The following CSGALNACT1 variants were observed in gnomAD, a reference collection of about 807,000 sequenced individuals.
CSGALNACT1 encodes chondroitin sulfate N-acetylgalactosaminyltransferase 1, also known as beta4GalNAcT-1.
In CSGALNACT1, 52 loss-of-function variants were observed where a neutral mutation model predicts 51.0. The ratio of observed to expected loss-of-function variants is 1.02; its 90% CI spans 0.82 to 1.29. The LOEUF is 1.29. CSGALNACT1 is among the 50% of genes most tolerant of loss of function. The pLI is 0.00. For missense variants in CSGALNACT1, 935 were observed against 679.2 expected (o/e 1.38, Z -4.19); for synonymous variants, 341 against 254.4 (o/e 1.34, Z -3.24).
At chr8:19,671,355 C>T (rs189296554) in intron 1 of CSGALNACT1, among the ~76,000 whole-genome samples, 130 of 152,256 alleles carry the variant, frequency 8.5e-4, no homozygotes, top group Non-Finnish European at 1.4e-3. Flanking sequence ...TAGGTGTACA[C>T]GACAAATTCA....
intron 5 of CSGALNACT1, among the ~76,000 whole-genome samples, chr8:19,447,144 C>T (rs959785940): frequency 4.6e-5 from 7 of 152,176 alleles, no homozygotes; most frequent in African/African-American, 1.7e-4. Flanking sequence ...TTCCAATGAC[C>T]TGACAGAGCT....
At chr8:19,650,879 A>G (rs923639923) in intron 1 of CSGALNACT1, among the ~76,000 whole-genome samples, 13 of 152,204 alleles carry the variant, frequency 8.5e-5, no homozygotes, top group African/African-American at 2.7e-4. Flanking sequence ...ACTCAGGTGA[A>G]GAGTCACGAG....
intron 6 of CSGALNACT1, among the ~76,000 whole-genome samples, chr8:19,433,624 C>T (rs111976965): frequency 1.8e-4 from 27 of 152,276 alleles, no homozygotes; most frequent in African/African-American, 6.5e-4. Flanking sequence ...ATAAAGACAA[C>T]CTTGTGAGTG....
chr8:19,497,919 C>G (rs1015192285), intron 4 of CSGALNACT1, among the ~76,000 whole-genome samples: 6 of 152,140 alleles, frequency 3.9e-5, no homozygotes, highest in African/African-American at 9.7e-5. Context: ...GCCCCCTCCC[C>G]GCTTTGAGTC....
At chr8:19,502,724 A>T (rs1428449974) in intron 4 of CSGALNACT1, among the ~76,000 whole-genome samples, 1 of 152,198 alleles carries the variant, frequency 6.6e-6, no homozygotes, top group Non-Finnish European at 1.5e-5. Flanking sequence ...CCCTTATAAA[A>T]TCCTGTCACT....
intron 3 of CSGALNACT1, among the ~76,000 whole-genome samples, chr8:19,561,338 A>G (rs1282368009): frequency 6.6e-6 from 1 of 152,346 alleles, no homozygotes; most frequent in Non-Finnish European, 1.5e-5. Context: ...CAGAAAACAA[A>G]CGTGTAAATT....
In CSGALNACT1 at chr8:19,416,082, G is replaced by A. The variant is rs1424105171; in HGVS notation, c.1227+2574C>T. ...GATGGTGATCACCCAGGAAGGCAAG[G>A]TTAACTTATTATTAAAGAAATGAAA... is the stretch of plus-strand genomic sequence containing the variant. On this transcript the variant is annotated intron_variant, in intron 8 of 9. Transcript: ENST00000454498. Among the ~76,000 whole-genome samples, 3 of 148,684 alleles carry A rather than the reference G, an allele frequency of 2.0e-5. No individual in the cohort carries two copies. In the East Asian group the frequency reaches 6.0e-4, roughly 30 times the overall value.
intron 4 of CSGALNACT1, among the ~76,000 whole-genome samples, chr8:19,499,016 G>A (rs781707823): frequency 2.6e-4 from 40 of 152,286 alleles, no homozygotes; most frequent in African/African-American, 8.4e-4. Context: ...TCCAAAAGCC[G>A]AGGTGGAGGA....
At chr8:19,720,175 G>T (rs1202421724) in intron 1 of CSGALNACT1, among the ~76,000 whole-genome samples, 2 of 152,190 alleles carry the variant, frequency 1.3e-5, no homozygotes, top group Non-Finnish European at 2.9e-5. Flanking sequence ...CCTTCTCCTA[G>T]CACAAGAGAA....
intron 4 of CSGALNACT1, among the ~76,000 whole-genome samples, chr8:19,482,310 T>A (rs2071623807): frequency 1.3e-5 from 2 of 152,366 alleles, no homozygotes; most frequent in Admixed American, 1.3e-4. Context: ...TTGTTTAAAA[T>A]AAGCACATGC....
intron 4 of CSGALNACT1, among the ~76,000 whole-genome samples, chr8:19,480,117 T>A (rs1338351886): frequency 6.6e-6 from 1 of 152,224 alleles, no homozygotes; most frequent in Non-Finnish European, 1.5e-5. Flanking sequence ...ATTTTTATTT[T>A]TTGCTTTTAT....
intron 3 of CSGALNACT1, among the ~76,000 whole-genome samples, chr8:19,585,858 C>T (rs1255587211): frequency 6.6e-6 from 1 of 152,146 alleles, no homozygotes; most frequent in Non-Finnish European, 1.5e-5. Flanking sequence ...CTCAGGAAAC[C>T]CCTTCAACAG....
intron 4 of CSGALNACT1, among the ~76,000 whole-genome samples, chr8:19,462,793 C>G (rs560876583): frequency 6.6e-6 from 1 of 152,048 alleles, no homozygotes; most frequent in African/African-American, 2.4e-5. Context: ...GATTTGGGAT[C>G]CCTTAATTTC....
chr8:19,631,155 T>A (rs1448395828), intron 1 of CSGALNACT1, among the ~76,000 whole-genome samples: 4 of 152,236 alleles, frequency 2.6e-5, no homozygotes, highest in Non-Finnish European at 5.9e-5. Context: ...ATAAAGTTGC[T>A]ATAAGCATTT....
intron 1 of CSGALNACT1, among the ~76,000 whole-genome samples, chr8:19,688,126 C>A (rs890948549): frequency 1.3e-5 from 2 of 152,192 alleles, no homozygotes; most frequent in Non-Finnish European, 2.9e-5. Flanking sequence ...CCAGAGTGAA[C>A]AACTCTCTGA....
intron 1 of CSGALNACT1, among the ~76,000 whole-genome samples, chr8:19,723,922 CT>C (rs2063261064): frequency 6.6e-6 from 1 of 152,068 alleles, no homozygotes; most frequent in South Asian, 2.1e-4. Flanking sequence ...GATTAGGAAA[CT>C]TTTTTCAATC....
chr8:19,519,590 C>T (rs1307160914), intron 3 of CSGALNACT1, among the ~76,000 whole-genome samples: 1 of 152,190 alleles, frequency 6.6e-6, no homozygotes, highest in Non-Finnish European at 1.5e-5. Flanking sequence ...GTGCCGATAG[C>T]TGTCTCGTGA....
chr8:19,625,642 T>C (rs76065872), intron 1 of CSGALNACT1, among the ~76,000 whole-genome samples: 3 of 152,320 alleles, frequency 2.0e-5, no homozygotes, highest in East Asian at 3.9e-4. Flanking sequence ...CTCTATACTA[T>C]AGCGGATCAT....
intron 6 of CSGALNACT1, among the ~76,000 whole-genome samples, chr8:19,439,255 G>A (rs936334111): frequency 6.6e-6 from 1 of 152,214 alleles, no homozygotes; most frequent in African/African-American, 2.4e-5. Flanking sequence ...ACAACTGGAG[G>A]TCTCAAGTTT....
Sources: gnomAD v4.1 joint callset for allele counts (sites outside exome capture counted in the v4.1 genomes callset) on GRCh38, gnomAD v4.1.1 for gene constraint, MANE v1.5 for transcripts, NCBI Gene and HGNC (gene_info 2026-07-23, HGNC 2026-07-21) for gene names.